The following TRHDE variants were observed in gnomAD, a reference collection of about 807,000 sequenced individuals.
TRHDE encodes the protein thyrotropin-releasing hormone-degrading ectoenzyme.
TRHDE carries 72 observed loss-of-function variants against 125.7 expected under a neutral mutation model. The observed-to-expected ratio is 0.57, with a 90% CI of 0.47 to 0.70. The LOEUF (loss-of-function observed/expected upper bound fraction) is 0.70. Among genes scored for constraint, TRHDE ranks in the 30% least tolerant of loss-of-function variants. The pLI, the probability that TRHDE is intolerant of heterozygous loss-of-function variation, is 0.00. For synonymous variants in TRHDE, 509 were observed against 509.1 expected, an observed-to-expected ratio of 1.00 and a Z score of 0.00; for missense variants, 1,110 against 1,327.1, an observed-to-expected ratio of 0.84 and a Z score of 2.54.
chr12:72,541,950 A>G (rs1224533240), intron 6 of TRHDE, among the ~76,000 whole-genome samples: 1 of 151,400 alleles, frequency 6.6e-6, no homozygotes, highest in Admixed American at 6.6e-5. Context: ...GCAAATTATG[A>G]GATTGTAAGT....
chr12:72,513,871 T>A (rs1044805440), intron 6 of TRHDE, among the ~76,000 whole-genome samples: 2 of 152,052 alleles, frequency 1.3e-5, no homozygotes, highest in South Asian at 4.2e-4. Flanking sequence ...GAGTTACACC[T>A]TAGCACACAG....
chr12:72,421,650 T>C lies in TRHDE; in HGVS notation c.1315+43529T>C, dbSNP rs769615544. 3.9e-5 allele frequency among the ~76,000 whole-genome samples: 6 copies of C among 152,146 alleles called. No individual in the cohort carries two copies. In the East Asian group the frequency reaches 1.2e-3, roughly 29 times the overall value. ...TGCAAAATCATGTCGTAAAAGACCT[T>C]GTGGGGTGGGAGACATTGCTGTGGG... On this transcript the variant is annotated intron_variant, in intron 3 of 18. Transcript: ENST00000261180.
intron 2 of TRHDE, among the ~76,000 whole-genome samples, chr12:72,210,559 A>C (rs981133418): frequency 8.5e-5 from 13 of 152,234 alleles, no homozygotes; most frequent in African/African-American, 3.1e-4. Flanking sequence ...TGACTCCTAC[A>C]AATATGAAAT....
At position 72,273,686 on chromosome 12, in the gene TRHDE, G is replaced by A. The variant is rs1322855042; in HGVS notation, c.914+129G>A. 1 of 901,598 alleles carries A rather than the reference G, an allele frequency of 1.1e-6. No individual in the cohort carries two copies. Among genetic ancestry groups the A allele is most frequent in the Non-Finnish European group, 1.7e-6 (1 of 594,080 alleles). The allele number at this position is 901,598 out of a possible 1,614,324, so 55.8% of individuals were successfully genotyped here. ...AAGCCAGGGGTGGGGGGAAGGAAAC[G>A]AAAGCGGAGTAGGGCAGTCAGAACT... On this transcript the variant is annotated intron_variant, in intron 1 of 18. Transcript: ENST00000261180. The surrounding 1 kb of genome is among the most constrained non-coding windows in gnomAD (Gnocchi z 5.3).
At chr12:72,456,289 G>A (rs756292128) in intron 3 of TRHDE, among the ~76,000 whole-genome samples, 6 of 151,798 alleles carry the variant, frequency 4.0e-5, no homozygotes, top group South Asian at 4.2e-4. Context: ...AGGCTGTAAG[G>A]GTTCCATCCC....
intron 2 of TRHDE, among the ~76,000 whole-genome samples, chr12:72,217,518 T>C (rs1041217191): frequency 3.3e-5 from 5 of 152,198 alleles, no homozygotes; most frequent in South Asian, 4.1e-4. Flanking sequence ...TATTTGGTCA[T>C]CAATGTGCAG....
intron 2 of TRHDE, among the ~76,000 whole-genome samples, chr12:72,348,771 G>C (rs1284168654): frequency 6.6e-6 from 1 of 151,890 alleles, no homozygotes; most frequent in Non-Finnish European, 1.5e-5. Context: ...GAAATATGTT[G>C]GTACTTTGAT....
intron 10 of TRHDE, among the ~76,000 whole-genome samples, chr12:72,572,701 G>A (rs11179255): frequency 0.27 from 40,464 of 151,826 alleles, 8,124 homozygotes; most frequent in African/African-American, 0.54. Context: ...GAACAATAGA[G>A]GCCTGTCTTT....
At position 72,272,815 on chromosome 12, in the gene TRHDE, A is replaced by G. The variant is rs751035059; in HGVS notation, c.172A>G (p.Arg58Gly). The G allele has an allele frequency of 8.3e-6, 13 of 1,573,386 alleles. No individual in the cohort carries two copies. In the East Asian group the frequency reaches 3.0e-4, roughly 36 times the overall value. The part of the protein sequence containing the change: ...EDDAALRAGS[R>G]GLSDPWADSV... ...CGACGCCGCGCTTCGGGCTGGCAGC[A>G]GGGGGCTCTCCGACCCGTGGGCAGA... The change falls in exon 1 of 19, where the codon AGG becomes GGG. Residue 58 changes from arginine (R) to glycine (G), a missense_variant. By Grantham distance (125) the Arg-to-Gly change is moderately radical. Around this residue, in one of 5 missense-constraint regions of TRHDE, gnomAD observed 248 missense variants for 240.8 expected, o/e 1.03. Transcript: ENST00000261180. This position sits in a 1 kb window ranked among gnomAD's most constrained non-coding sequence, Gnocchi z 6.7.
At chr12:72,631,691 A>C (rs978933246) in intron 15 of TRHDE, among the ~76,000 whole-genome samples, 1 of 151,942 alleles carries the variant, frequency 6.6e-6, no homozygotes, top group Non-Finnish European at 1.5e-5. Context: ...AGAGAATTGT[A>C]TTTTGAGCAA....
At chr12:72,301,551 G>A (rs1422785618) in intron 2 of TRHDE, among the ~76,000 whole-genome samples, 1 of 152,174 alleles carries the variant, frequency 6.6e-6, no homozygotes, top group Non-Finnish European at 1.5e-5. Context: ...ACAGTTAGTG[G>A]AAATAGCACT....
intron 7 of TRHDE, among the ~76,000 whole-genome samples, chr12:72,548,967 A>G (rs921089231): frequency 6.6e-6 from 1 of 151,832 alleles, no homozygotes; most frequent in Admixed American, 6.6e-5. Flanking sequence ...GTAATTCACC[A>G]TCATCTAAAA....
chr12:72,644,732 A>G (rs1299064708), intron 15 of TRHDE, among the ~76,000 whole-genome samples: 1 of 152,152 alleles, frequency 6.6e-6, no homozygotes, highest in Non-Finnish European at 1.5e-5. Context: ...TGGTTTCCCC[A>G]TGGGGAGGGA....
chr12:72,352,913 T>G (rs989321731), intron 2 of TRHDE, among the ~76,000 whole-genome samples: 1 of 151,594 alleles, frequency 6.6e-6, no homozygotes, highest in Non-Finnish European at 1.5e-5. Flanking sequence ...AGTACTTGTC[T>G]CTGAGAAAAT....
chr12:72,625,027 C>A (rs183341720), intron 15 of TRHDE, among the ~76,000 whole-genome samples: 1 of 151,384 alleles, frequency 6.6e-6, no homozygotes, highest in East Asian at 2.0e-4. Context: ...CTGGTTGGTG[C>A]AAATAAGCAA....
At chr12:72,112,616 T>C (rs1875343551) in intron 2 of TRHDE, among the ~76,000 whole-genome samples, 1 of 152,194 alleles carries the variant, frequency 6.6e-6, no homozygotes, top group Admixed American at 6.6e-5. Flanking sequence ...CACACTTTCA[T>C]AGATAATTTG....
At chr12:72,601,222 G>A (rs1872192505) in intron 12 of TRHDE, among the ~76,000 whole-genome samples, 1 of 152,054 alleles carries the variant, frequency 6.6e-6, no homozygotes, top group Non-Finnish European at 1.5e-5. Context: ...AGTGGAAAAA[G>A]TCACTACATA....
intron 3 of TRHDE, among the ~76,000 whole-genome samples, chr12:72,444,693 A>G (rs976715312): frequency 3.9e-5 from 6 of 151,996 alleles, no homozygotes; most frequent in African/African-American, 1.2e-4. Flanking sequence ...AATCTAAACC[A>G]TATTATGAAC....
rs370752757 is a variant in TRHDE at position 72,245,243 on chromosome 12, A to ATGTGTGTGTGTG, written n.280-132736_280-132725dup. Among the ~76,000 whole-genome samples, 229 of 147,316 alleles carry ATGTGTGTGTGTG rather than the reference A, an allele frequency of 1.6e-3. 1 individual carries two copies. Among genetic ancestry groups the ATGTGTGTGTGTG allele is most frequent in the African/African-American group, 5.5e-3 (223 of 40,206 alleles). On this transcript the variant is annotated intron_variant and non_coding_transcript_variant, in intron 2 of 4. Coordinates refer to the TRHDE transcript ENST00000548156. The stretch of plus-strand genomic sequence containing the variant: ...TGGTTTTATATCTATGTTTGTGTGT[A>ATGTGTGTGTGTG]TGTGTGTGTGTGTGTGTGTGTGTGT...
Sources: allele counts gnomAD v4.1 joint callset (sites outside exome capture counted in the v4.1 genomes callset), GRCh38; gene constraint gnomAD v4.1.1; regional missense constraint gnomAD v4.1.1; non-coding constraint Gnocchi (gnomAD v3.1); transcripts MANE v1.5; gene names NCBI Gene and HGNC (gene_info 2026-07-23, HGNC 2026-07-21).